Variants in CDH23 observed in about 807,000 individuals in gnomAD.
CDH23 encodes cadherin-23.
In CDH23, 189 loss-of-function variants were observed where a neutral mutation model predicts 317.1. That is an observed-to-expected ratio of 0.60 (90% CI 0.53 to 0.67). CDH23 has a LOEUF of 0.67. Among genes scored for constraint, CDH23 ranks in the 30% least tolerant of loss-of-function variants. The probability of loss-of-function intolerance (pLI) is 0.00; values close to 1 mark genes in which losing one functional copy is unlikely to be tolerated. For missense variants in CDH23, 4,401 were observed against 4,592.4 expected, an observed-to-expected ratio of 0.96 and a Z score of 1.20; for synonymous variants, 1,839 against 1,876.8, an observed-to-expected ratio of 0.98 and a Z score of 0.52.
At chr10:71,553,480 C>T (rs1589198057) in intron 6 of CDH23, among the ~76,000 whole-genome samples, 1 of 152,170 alleles carries the variant, frequency 6.6e-6, no homozygotes, top group African/African-American at 2.4e-5. Flanking sequence ...GAAACCACAC[C>T]AGGCCTACCC....
intron 8 of CDH23, among the ~76,000 whole-genome samples, chr10:71,574,394 C>T (rs979812650): frequency 4.6e-5 from 7 of 152,188 alleles, no homozygotes; most frequent in Admixed American, 1.3e-4. Flanking sequence ...ATAAACTGCA[C>T]AAATTACTGC....
chr10:71,755,290 G>C (rs779750037), intron 38 of CDH23: 73 of 1,391,270 alleles, frequency 5.2e-5, no homozygotes, highest in Non-Finnish European at 6.4e-5. Flanking sequence ...CGAATCCCAG[G>C]GGCTGAACTG....
chr10:71,457,645 G>A (rs533819914), intron 3 of CDH23, among the ~76,000 whole-genome samples: 36 of 152,356 alleles, frequency 2.4e-4, no homozygotes, highest in Non-Finnish European at 3.2e-4. Context: ...ACCAGGCCCC[G>A]GACTGGGGCC....
rs529042750 is a variant in CDH23, at chr10:71,713,151, A to G, written c.3369+338A>G. The G allele has an allele frequency of 9.0e-6, 7 of 779,118 alleles. No homozygotes were observed. The South Asian group carries it at 9.4e-5, about 10-fold the overall frequency. 48.3% of individuals were successfully genotyped at this position (779,118 alleles called of 1,614,324 possible). ...GTCACAATTTCCCGGAAAGGAGTTG[A>G]GAAGAGAGCCAGGGCCCAGCAAGGC... On this transcript the variant is annotated intron_variant, in intron 28 of 69. Transcript: ENST00000224721.
chr10:71,422,057 G>T (rs1353536011), intron 1 of CDH23, among the ~76,000 whole-genome samples: 2 of 152,218 alleles, frequency 1.3e-5, no homozygotes, highest in Non-Finnish European at 2.9e-5. Context: ...ATGCTATAAA[G>T]CACAACAGTT....
chr10:71,547,866 G>T (rs1856370600), intron 6 of CDH23, among the ~76,000 whole-genome samples: 1 of 152,218 alleles, frequency 6.6e-6, no homozygotes, highest in Non-Finnish European at 1.5e-5. Context: ...TTGGGACCCA[G>T]AGAGGCCTCC....
Position 71,811,073 on chromosome 10 carries a change from C to G in CDH23, c.9078-242C>G, listed in dbSNP as rs1156840500. ...CTCCAGCCTGGGCAACAGAGCAAGA[C>G]TCCATCTCAAAAAAAAAAAAAAAAA... On this transcript the variant is annotated intron_variant, in intron 62 of 69. Coordinates refer to ENST00000224721, the MANE Select transcript of CDH23 (RefSeq NM_022124.6). Among the ~76,000 whole-genome samples, 8 of 115,600 alleles carry G rather than the reference C, an allele frequency of 6.9e-5. No homozygotes were observed. The Admixed American group carries it at 7.8e-4, about 11-fold the overall frequency. The allele number at this position is 115,600 out of a possible 152,430, so 75.8% of individuals were successfully genotyped here. A position where few individuals can be genotyped will look rare whatever the true frequency, so the allele number is the denominator to read the frequency against.
intron 28 of CDH23, among the ~76,000 whole-genome samples, chr10:71,720,035 C>T (rs1322818865): frequency 2.0e-5 from 3 of 152,220 alleles, no homozygotes; most frequent in South Asian, 4.1e-4. Flanking sequence ...GGCCCCATGG[C>T]GCTCACCTTC....
chr10:71,639,097 C>A (rs564850188), intron 11 of CDH23, among the ~76,000 whole-genome samples: 460 of 152,336 alleles, frequency 3.0e-3, no homozygotes, highest in Non-Finnish European at 5.3e-3. Context: ...GGCCTCCCCG[C>A]GGGCAGCTGC....
rs58361666 is a variant in CDH23 at position 71,667,359 on chromosome 10, A to AGAGAGAGAGTGT, written c.1450-7752_1450-7751insAGAGAGAGTGTG. ...GCTTGAGGCAGAGAAAGAGAGAGAG[A>AGAGAGAGAGTGT]GTGTGTGTGTGTGTGTGTGTGTGTG... On this transcript the variant is annotated intron_variant, in intron 14 of 69. Coordinates refer to ENST00000224721, the MANE Select transcript of CDH23 (RefSeq NM_022124.6). Among the ~76,000 whole-genome samples the AGAGAGAGAGTGT allele has an allele frequency of 8.0e-3, 892 of 112,052 alleles. 6 individuals carry two copies. The highest frequency in any genetic ancestry group is 0.045 in the South Asian group (131 of 2,918). The allele number at this position is 112,052 out of a possible 152,430, so 73.5% of individuals were successfully genotyped here. A position where few individuals can be genotyped will look rare whatever the true frequency, so the allele number is the denominator to read the frequency against.
intron 3 of CDH23, among the ~76,000 whole-genome samples, chr10:71,496,252 A>T (rs566741682): frequency 1.2e-4 from 19 of 152,376 alleles, no homozygotes; most frequent in Non-Finnish European, 2.4e-4. Flanking sequence ...GTTGAGATGC[A>T]TGGCCTCAAA....
At chr10:71,624,086 G>C (rs1432021874) in intron 11 of CDH23, among the ~76,000 whole-genome samples, 1 of 152,174 alleles carries the variant, frequency 6.6e-6, no homozygotes, top group Non-Finnish European at 1.5e-5. Flanking sequence ...AGAGGACACG[G>C]GTAGGAAGGG....
chr10:71,540,161 C>T (rs762178083), intron 6 of CDH23, among the ~76,000 whole-genome samples: 10 of 152,118 alleles, frequency 6.6e-5, no homozygotes, highest in African/African-American at 1.4e-4. Context: ...GATCTTCCTC[C>T]GGGGTAGGGG....
intron 1 of CDH23, among the ~76,000 whole-genome samples, chr10:71,426,363 G>A (rs10823746): frequency 0.31 from 46,648 of 152,142 alleles, 7,357 homozygotes; most frequent in Middle Eastern, 0.45. Context: ...AGGACCTGGG[G>A]TCTTCCTTTC....
intron 11 of CDH23, among the ~76,000 whole-genome samples, chr10:71,636,069 C>T (rs1862255863): frequency 6.6e-6 from 1 of 152,138 alleles, no homozygotes; most frequent in South Asian, 2.1e-4. Flanking sequence ...GGGAAGGGGA[C>T]ACCAGCATTC....
At chr10:71,760,211 G>GTA in intron 38 of CDH23, among the ~76,000 whole-genome samples, 1 of 11,130 alleles carries the variant, frequency 9.0e-5, no homozygotes, top group Non-Finnish European at 2.9e-4. Context: ...ATATATGTGT[G>GTA]TATATATGTG....
chr10:71,741,293 A>G (rs148827618), intron 37 of CDH23, among the ~76,000 whole-genome samples: 2 of 152,282 alleles, frequency 1.3e-5, no homozygotes, highest in African/African-American at 2.4e-5. Context: ...ATTGCTGGGT[A>G]TCATGCTAGG....
chr10:71,769,551 G>T (rs527307673), intron 38 of CDH23, among the ~76,000 whole-genome samples: 1 of 152,342 alleles, frequency 6.6e-6, no homozygotes, highest in South Asian at 2.1e-4. Flanking sequence ...ATAAGCAAAT[G>T]ACTGAAGCTA....
At chr10:71,686,453 C>T (rs1438570571) in intron 18 of CDH23, among the ~76,000 whole-genome samples, 3 of 152,018 alleles carry the variant, frequency 2.0e-5, no homozygotes, top group Non-Finnish European at 4.4e-5. Flanking sequence ...AGGATCACTC[C>T]TGTCTGGGCA....
Sources: allele counts gnomAD v4.1 joint callset (sites outside exome capture counted in the v4.1 genomes callset), GRCh38; gene constraint gnomAD v4.1.1; transcripts MANE v1.5; gene names NCBI Gene and HGNC (gene_info 2026-07-23, HGNC 2026-07-21).